ABR: variants seen among roughly 807,000 people sequenced by gnomAD.
The protein encoded by ABR is ABR activator of RhoGEF and GTPase, also known as active breakpoint cluster region-related protein.
ABR carries 35 observed loss-of-function variants against 107.2 expected under a neutral mutation model. The observed-to-expected ratio is 0.33, with a 90% CI of 0.25 to 0.43. ABR has a LOEUF of 0.43. Among genes scored for constraint, ABR ranks in the 20% least tolerant of loss-of-function variants. The pLI is 1.00. For synonymous variants in ABR, 498 were observed against 462.0 expected, an observed-to-expected ratio of 1.08 and a Z score of -1.00; for missense variants, 815 against 1,115.2, an observed-to-expected ratio of 0.73 and a Z score of 3.83.
At chr17:1,132,750 G>A (rs2039902848) in intron 1 of ABR, among the ~76,000 whole-genome samples, 1 of 152,130 alleles carries the variant, frequency 6.6e-6, no homozygotes, top group Admixed American at 6.6e-5. Context: ...GAAATGAACA[G>A]AAAATTTAAA....
intron 16 of ABR, among the ~76,000 whole-genome samples, chr17:1,013,919 C>T (rs962657340): frequency 2.0e-5 from 3 of 152,222 alleles, no homozygotes; most frequent in Non-Finnish European, 2.9e-5. Context: ...GGGGCCTTCG[C>T]GCCCGTCTGC....
Position 1,071,397 on chromosome 17 carries a change from C to T in ABR, c.894+1217G>A, listed in dbSNP as rs531439376. On this transcript the variant is annotated intron_variant, in intron 8 of 22. Coordinates refer to ENST00000302538, the MANE Select transcript of ABR (RefSeq NM_021962.5). The surrounding 1 kb of genome is among the most constrained non-coding windows in gnomAD (Gnocchi z 5.1). ...CCACAGGAGCAGACACCCTGTCAGC[C>T]TCACTCGTAACGGCCGCCTAATGGC... Among the ~76,000 whole-genome samples the T allele has an allele frequency of 3.9e-5, 6 of 152,130 alleles. No individual in the cohort carries two copies. The highest frequency in any genetic ancestry group is 7.3e-5 in the Non-Finnish European group (5 of 68,030).
At chr17:1,086,146 C>CA (rs1368804383) in intron 4 of ABR, among the ~76,000 whole-genome samples, 1 of 150,630 alleles carries the variant, frequency 6.6e-6, no homozygotes, top group Non-Finnish European at 1.5e-5. Flanking sequence ...GACCCCGTCT[C>CA]AAAAAAACAA....
intron 4 of ABR, among the ~76,000 whole-genome samples, chr17:1,087,777 C>T (rs1448127060): frequency 6.6e-6 from 1 of 152,140 alleles, no homozygotes; most frequent in Non-Finnish European, 1.5e-5. Context: ...GCCTGGAGGC[C>T]CGGGTTGGCA....
chr17:1,090,855 C>G (rs965495877), intron 4 of ABR, among the ~76,000 whole-genome samples: 2 of 152,210 alleles, frequency 1.3e-5, no homozygotes, highest in Non-Finnish European at 2.9e-5. Flanking sequence ...TCCCTCTTGC[C>G]TGCTGGGCGG....
At chr17:1,167,499 G>A (rs1431713430) in intron 1 of ABR, among the ~76,000 whole-genome samples, 2 of 152,152 alleles carry the variant, frequency 1.3e-5, no homozygotes, top group African/African-American at 4.8e-5. Flanking sequence ...CCCCCGAGCG[G>A]AGGGAGTAAG....
chr17:1,201,378 G>A (rs1057028360), intron 1 of ABR, among the ~76,000 whole-genome samples: 33 of 152,138 alleles, frequency 2.2e-4, no homozygotes, highest in African/African-American at 7.7e-4. Flanking sequence ...CAGCGAGATC[G>A]TGAAAAGAAG....
At chr17:1,202,080 T>A (rs1043818244) in intron 1 of ABR, among the ~76,000 whole-genome samples, 2 of 152,148 alleles carry the variant, frequency 1.3e-5, no homozygotes, top group African/African-American at 4.8e-5. Flanking sequence ...AGAAAGAAGA[T>A]CCATCTAGAA....
intron 1 of ABR, among the ~76,000 whole-genome samples, chr17:1,205,708 G>A (rs1000596083): frequency 3.3e-5 from 5 of 152,198 alleles, no homozygotes; most frequent in Non-Finnish European, 7.3e-5. Flanking sequence ...ACTCTGGGAG[G>A]CCCAGGCGGG....
At position 1,062,834 on chromosome 17, in the gene ABR, T is replaced by C. The variant is rs56098041; in HGVS notation, c.1183-3967A>G. On this transcript the variant is annotated intron_variant, in intron 10 of 22. Coordinates refer to ENST00000302538, the MANE Select transcript of ABR (RefSeq NM_021962.5). ...GCTATGCATGTTCCTCTAGACACTG[T>C]TGTTATGTGAACTGAGGGCTATGCA... 5.8e-5 allele frequency among the ~76,000 whole-genome samples: 8 copies of C among 137,706 alleles called. No homozygotes were observed. In the East Asian group the frequency reaches 6.7e-4, roughly 12 times the overall value. The allele number at this position is 137,706 out of a possible 152,430, so 90.3% of individuals were successfully genotyped here.
chr17:1,060,277 G>T (rs1370515064), intron 10 of ABR, among the ~76,000 whole-genome samples: 3 of 152,094 alleles, frequency 2.0e-5, no homozygotes, highest in Non-Finnish European at 4.4e-5. Flanking sequence ...GGGCGTGGTG[G>T]CGGGCGCCTG....
At chr17:1,048,586 G>A (rs12602790) in intron 16 of ABR, among the ~76,000 whole-genome samples, 2,360 of 123,882 alleles carry the variant, frequency 0.019, 55 homozygotes, top group African/African-American at 0.064. Flanking sequence ...CCTGGATCAC[G>A]TCCGGGGCCA....
intron 2 of ABR, among the ~76,000 whole-genome samples, chr17:1,118,241 G>A (rs2039139633): frequency 1.1e-5 from 1 of 90,842 alleles, no homozygotes; most frequent in African/African-American, 4.6e-5. Flanking sequence ...TTAACCCTGA[G>A]CCTGAGTTCC....
intron 1 of ABR, among the ~76,000 whole-genome samples, chr17:1,203,114 G>A (rs1265712505): frequency 6.6e-6 from 1 of 152,074 alleles, no homozygotes; most frequent in Non-Finnish European, 1.5e-5. Context: ...TCGAACTCCC[G>A]ACCTCAGGTG....
chr17:1,182,372 G>C (rs1259065005), upstream of ABR: 1 of 152,438 alleles, frequency 6.6e-6, no homozygotes, highest in Admixed American at 6.6e-5. Context: ...CTGTTTGTTT[G>C]TTTGTTTGTT....
At chr17:1,221,321 A>G (rs902991232) in intron 1 of ABR, among the ~76,000 whole-genome samples, 3 of 152,224 alleles carry the variant, frequency 2.0e-5, no homozygotes, top group Admixed American at 6.5e-5. Context: ...ACAAACAGCC[A>G]CCACTCACTC....
At chr17:1,212,218 T>C (rs911351560) in intron 1 of ABR, among the ~76,000 whole-genome samples, 31 of 149,328 alleles carry the variant, frequency 2.1e-4, no homozygotes, top group African/African-American at 6.2e-4. Context: ...CTCTCGAGTC[T>C]GGGAGTTCGA....
At chr17:1,137,851 A>G (rs955791267) in intron 1 of ABR, among the ~76,000 whole-genome samples, 15 of 151,934 alleles carry the variant, frequency 9.9e-5, no homozygotes, top group African/African-American at 3.4e-4. Context: ...GCAGGAGGCT[A>G]TTTACTTTAG....
At chr17:1,008,647 C>T (rs746141399) in intron 21 of ABR, among the ~76,000 whole-genome samples, 12 of 152,240 alleles carry the variant, frequency 7.9e-5, no homozygotes, top group African/African-American at 2.7e-4. Flanking sequence ...CAGCCCCGGG[C>T]GCGTCCAGGT....
Sources: allele counts gnomAD v4.1 joint callset (sites outside exome capture counted in the v4.1 genomes callset), GRCh38; gene constraint gnomAD v4.1.1; non-coding constraint Gnocchi (gnomAD v3.1); transcripts MANE v1.5; gene names NCBI Gene and HGNC (gene_info 2026-07-23, HGNC 2026-07-21).